PPP1R13L: variants seen among roughly 807,000 people sequenced by gnomAD.
PPP1R13L encodes relA-associated inhibitor.
Under a neutral mutation model 80.9 loss-of-function variants are expected in PPP1R13L, and 50 were observed. That is an observed-to-expected ratio of 0.62 (90% CI 0.49 to 0.78). The LOEUF (loss-of-function observed/expected upper bound fraction) is 0.78. Ranked by LOEUF, PPP1R13L falls within the 30% of genes least tolerant of loss-of-function variation. The pLI is 0.00. For missense variants in PPP1R13L, 1,200 were observed against 1,205.9 expected, an observed-to-expected ratio of 1.00 and a Z score of 0.07; for synonymous variants, 602 against 534.3, an observed-to-expected ratio of 1.13 and a Z score of -1.75.
rs35572673 is a variant in PPP1R13L, at chr19:45,391,198, G to GA, written c.1815+681dup. On this transcript the variant is annotated intron_variant, in intron 8 of 12. Coordinates refer to ENST00000360957, the MANE Select transcript of PPP1R13L (RefSeq NM_006663.4). The stretch of plus-strand genomic sequence containing the variant: ...GAGTGATGGAGCAAGACTCTGCCTG[G>GA]AAAAAAAAAAAAAATAGAGGAGAGA... Among the ~76,000 whole-genome samples the GA allele has an allele frequency of 7.1e-3, 1,017 of 143,948 alleles. 3 individuals carry two copies. The highest frequency in any genetic ancestry group is 9.8e-3 in the Non-Finnish European group (648 of 65,802). 94.4% of individuals were successfully genotyped at this position (143,948 alleles called of 152,430 possible).
chr19:45,396,766 C>G lies in PPP1R13L; in HGVS notation c.491G>C (p.Gly164Ala). Reference protein sequence around the residue: ...GRAPSPRPGPGPLRQQGPPTP... With the variant: ...GRAPSPRPGPAPLRQQGPPTP... ...GGGGGGACCCTGCTGGCGGAGCGGG[C>G]CTGGCCCGGGCCGCGGGGAGGGCGC... Residue 164 changes from glycine to alanine, a missense_variant, in exon 4 of 13, where the codon GGC (glycine) becomes GCC (alanine). Gly to Ala is a moderately conservative substitution (Grantham distance 60, BLOSUM62 0). This residue lies in a region of PPP1R13L where 764 missense variants were observed against 714.5 expected (regional missense o/e 1.07). Transcript: ENST00000360957. This position sits in a 1 kb window ranked among gnomAD's most constrained non-coding sequence, Gnocchi z 5.3. 7.4e-7 allele frequency: 1 copy of G among 1,357,554 alleles called. No individual in the cohort carries two copies. The highest frequency in any genetic ancestry group is 1.5e-5 in the African/African-American group (1 of 65,184). The allele number at this position is 1,357,554 out of a possible 1,614,324, so 84.1% of individuals were successfully genotyped here. A position where few individuals can be genotyped will look rare whatever the true frequency, so the allele number is the denominator to read the frequency against.
intron 1 of PPP1R13L, among the ~76,000 whole-genome samples, chr19:45,400,224 C>T (rs963000144): frequency 6.6e-6 from 1 of 151,960 alleles, no homozygotes; most frequent in Non-Finnish European, 1.5e-5. Context: ...GGAGGTCTGG[C>T]TCTCACTGAC....
At chr19:45,393,861 CTGT>C (rs1330472276) in intron 7 of PPP1R13L, among the ~76,000 whole-genome samples, 1 of 151,750 alleles carries the variant, frequency 6.6e-6, no homozygotes, top group African/African-American at 2.4e-5. Flanking sequence ...GAGCGAGACT[CTGT>C]CTCAAAAAAA....
At chr19:45,382,102 G>C (rs2123344198) in intron 12 of PPP1R13L, among the ~76,000 whole-genome samples, 1 of 151,984 alleles carries the variant, frequency 6.6e-6, no homozygotes, top group South Asian at 2.1e-4. Context: ...GTAGCCGGGC[G>C]TGGTGGTGGT....
chr19:45,398,028 G>A lies in PPP1R13L; in HGVS notation c.175C>T (p.Pro59Ser), dbSNP rs1973148235. ...ACCCTAGAAGGGGGTCCGGCCTGCGGGCCAGGAGGCGCGGGAGAGTCTGAC... is the reference window on the plus strand; with the variant it reads ...ACCCTAGAAGGGGGTCCGGCCTGCGAGCCAGGAGGCGCGGGAGAGTCTGAC... ...LWSDSPAPPG[P>S]QAGPPSRPPR... Residue 59 changes from proline (P) to serine (S), a missense_variant, in exon 3 of 13, where the codon CCG becomes TCG. Physicochemically the swap from Pro to Ser is moderately conservative, Grantham distance 74. Around this residue, in one of 5 missense-constraint regions of PPP1R13L, gnomAD observed 764 missense variants for 714.5 expected, o/e 1.07. Transcript: ENST00000360957. 6.2e-7 allele frequency: 1 copy of A among 1,613,488 alleles called. No homozygotes were observed. Among genetic ancestry groups the A allele is most frequent in the Non-Finnish European group, 8.5e-7 (1 of 1,179,528 alleles).
At chr19:45,397,602 T>C (rs1411234692) in intron 3 of PPP1R13L, among the ~76,000 whole-genome samples, 1 of 151,092 alleles carries the variant, frequency 6.6e-6, no homozygotes, top group Non-Finnish European at 1.5e-5. Flanking sequence ...GGATTACAGG[T>C]ATGCACCACC....
In PPP1R13L at chr19:45,382,509, C is replaced by T. The variant is rs1275399503; in HGVS notation, c.2448+18G>A. On this transcript the variant is annotated intron_variant, in intron 12 of 12. Transcript: ENST00000360957. ...CCCAACTGTCGGGAGGTCCCCATGA[C>T]TTCTCCCCTGGGCTCACCCCGAAGT... 1 of 1,605,036 alleles carries T rather than the reference C, an allele frequency of 6.2e-7. No individual in the cohort carries two copies. The highest frequency in any genetic ancestry group is 1.1e-5 in the South Asian group (1 of 90,712).
chr19:45,394,674 T>C (rs1459603683), intron 7 of PPP1R13L: 2 of 145,908 alleles, frequency 1.4e-5, no homozygotes, highest in Non-Finnish European at 1.5e-5. Flanking sequence ...GATTTCATCA[T>C]GTTGTCCAGG....
intron 11 of PPP1R13L, among the ~76,000 whole-genome samples, chr19:45,383,720 T>C (rs1440789120): frequency 6.6e-6 from 1 of 152,220 alleles, no homozygotes; most frequent in Non-Finnish European, 1.5e-5. Flanking sequence ...CCTTGAATGA[T>C]AGGGTCCTTT....
intron 1 of PPP1R13L, among the ~76,000 whole-genome samples, chr19:45,404,593 C>A (rs1439514185): frequency 6.6e-6 from 1 of 152,182 alleles, no homozygotes; most frequent in East Asian, 1.9e-4. Context: ...CCTAGAAGAT[C>A]GGTCGAGACA....
At position 45,396,924 on chromosome 19, in the gene PPP1R13L, C is replaced by T. The variant is rs368212605; in HGVS notation, c.333G>A (p.Pro111=). The stretch of plus-strand genomic sequence containing the variant: ...ACGACGGCCGTCCCTTGGGGGACAG[C>T]GGGCTGTAGGGGTGTAGGGTTGGGG... ...ESAPTLHPYS[P]LSPKGRPSSP... The change falls in exon 4 of 13, where the codon CCG becomes CCA. Residue 111 remains proline (P), a synonymous_variant. Coordinates refer to ENST00000360957, the MANE Select transcript of PPP1R13L (RefSeq NM_006663.4). The surrounding 1 kb of genome is among the most constrained non-coding windows in gnomAD (Gnocchi z 5.3). 2.0e-6 allele frequency: 3 copies of T among 1,488,838 alleles called. No homozygotes were observed. The highest frequency in any genetic ancestry group is 2.7e-6 in the Non-Finnish European group (3 of 1,127,720). 92.2% of individuals were successfully genotyped at this position (1,488,838 alleles called of 1,614,324 possible). A position where few individuals can be genotyped will look rare whatever the true frequency, so the allele number is the denominator to read the frequency against.
At chr19:45,388,681 TA>T (rs1972912919) in intron 8 of PPP1R13L, among the ~76,000 whole-genome samples, 1 of 152,200 alleles carries the variant, frequency 6.6e-6, no homozygotes, top group South Asian at 2.1e-4. Context: ...CAAGAATCAG[TA>T]ATAATCAGTC....
intron 12 of PPP1R13L, among the ~76,000 whole-genome samples, chr19:45,380,608 A>C (rs925111255): frequency 1.3e-5 from 2 of 152,152 alleles, no homozygotes; most frequent in Non-Finnish European, 2.9e-5. Context: ...ACCTGAGCTC[A>C]GGAGTTCAAG....
At chr19:45,390,082 C>G (rs547035002) in intron 8 of PPP1R13L, among the ~76,000 whole-genome samples, 2 of 150,372 alleles carry the variant, frequency 1.3e-5, no homozygotes, top group Admixed American at 1.3e-4. Context: ...TGAACCACCA[C>G]GCCCGGCCTA....
At chr19:45,385,526 G>C (rs766884371) in intron 11 of PPP1R13L, 36 bp downstream of exon 11, 33 of 1,580,406 alleles carry the variant, frequency 2.1e-5, no homozygotes, top group Non-Finnish European at 2.8e-5. Flanking sequence ...CTGCGCACCC[G>C]CCAGGTACCC....
intron 7 of PPP1R13L, chr19:45,395,188 G>T (rs1403912283): frequency 1.8e-6 from 1 of 543,246 alleles, no homozygotes; most frequent in African/African-American, 1.9e-5. Context: ...GCCCAGTGAG[G>T]TTAAGTGACT....
intron 6 of PPP1R13L, 84 bp from the exon 7 acceptor site, chr19:45,395,970 G>A: frequency 7.4e-7 from 1 of 1,357,362 alleles, no homozygotes; most frequent in Non-Finnish European, 1.0e-6. Context: ...GAAGGGAGAG[G>A]AGGTGAGGGA....
At chr19:45,399,466 T>C (rs185396485) in intron 1 of PPP1R13L, among the ~76,000 whole-genome samples, 2,328 of 142,332 alleles carry the variant, frequency 0.016, 33 homozygotes, top group Middle Eastern at 0.039. Context: ...CTACTAAAAA[T>C]ACCAAAAATT....
At chr19:45,394,159 TCTCA>T (rs1020356592) in intron 7 of PPP1R13L, among the ~76,000 whole-genome samples, 185 of 152,180 alleles carry the variant, frequency 1.2e-3, no homozygotes, top group African/African-American at 4.3e-3. Context: ...TGAGACTGGG[TCTCA>T]CTCTGTCACC....
Sources: gnomAD v4.1 joint callset for allele counts (sites outside exome capture counted in the v4.1 genomes callset) on GRCh38, gnomAD v4.1.1 for gene constraint, gnomAD v4.1.1 regional missense constraint, Gnocchi (gnomAD v3.1) non-coding constraint, MANE v1.5 for transcripts, NCBI Gene and HGNC (gene_info 2026-07-23, HGNC 2026-07-21) for gene names.